Variants in BCKDHB observed in about 807,000 individuals in gnomAD.
BCKDHB encodes 2-oxoisovalerate dehydrogenase subunit beta, mitochondrial.
BCKDHB carries 41 observed loss-of-function variants against 48.5 expected under a neutral mutation model. The ratio of observed to expected loss-of-function variants is 0.85; its 90% CI spans 0.66 to 1.10. The LOEUF (loss-of-function observed/expected upper bound fraction) is 1.10, where lower values mean the gene tolerates loss of function less well. Ranked by LOEUF, BCKDHB falls within the 50% of genes least tolerant of loss-of-function variation. The pLI is 0.00. For synonymous variants in BCKDHB, 201 were observed against 174.8 expected (o/e 1.15, Z -1.18); for missense variants, 496 against 494.2 (o/e 1.00, Z -0.03).
At chr6:80,258,279 C>T (rs1373171397) in intron 8 of BCKDHB, among the ~76,000 whole-genome samples, 1 of 152,174 alleles carries the variant, frequency 6.6e-6, no homozygotes, top group Admixed American at 6.5e-5. Flanking sequence ...TGTTCCTCAT[C>T]AGCTTTTCAT....
At chr6:80,203,402 A>T (rs1244512626) in intron 8 of BCKDHB, among the ~76,000 whole-genome samples, 190 bp downstream of exon 8, 1 of 152,098 alleles carries the variant, frequency 6.6e-6, no homozygotes, top group Non-Finnish European at 1.5e-5. Context: ...ATCACTATAG[A>T]ATTTATTTTT....
chr6:80,421,413 A>T, the BCKDHB span, among the ~76,000 whole-genome samples: 1 of 152,168 alleles, frequency 6.6e-6, no homozygotes, highest in African/African-American at 2.4e-5. Context: ...TAGCACTGGG[A>T]GTGGGGCACT....
At chr6:80,367,220 G>T in the BCKDHB span, among the ~76,000 whole-genome samples, 32 of 151,970 alleles carry the variant, frequency 2.1e-4, no homozygotes, top group East Asian at 3.9e-4. Context: ...CTCTCGATTT[G>T]TCATGGAATT....
intron 1 of BCKDHB, among the ~76,000 whole-genome samples, chr6:80,116,366 C>T (rs1441709694): frequency 6.6e-6 from 1 of 152,128 alleles, no homozygotes; most frequent in African/African-American, 2.4e-5. Flanking sequence ...TTTTAGTTTC[C>T]TTAAACGTTT....
chr6:80,448,461 A>T, the BCKDHB span, among the ~76,000 whole-genome samples: 1 of 152,172 alleles, frequency 6.6e-6, no homozygotes, highest in Admixed American at 6.6e-5. Flanking sequence ...TCAGTACATC[A>T]GGAGAGAGCT....
chr6:80,132,154 G>A (rs73479932), intron 3 of BCKDHB, among the ~76,000 whole-genome samples: 1 of 151,604 alleles, frequency 6.6e-6, no homozygotes, highest in Non-Finnish European at 1.5e-5. Flanking sequence ...TGCTATCTGG[G>A]TCTCTCTACC....
chr6:80,312,148 T>C (rs1176136002), intron 9 of BCKDHB, among the ~76,000 whole-genome samples: 2 of 152,212 alleles, frequency 1.3e-5, no homozygotes, highest in East Asian at 1.9e-4. Context: ...ACTTCCCTTA[T>C]TAGCTGTATT....
the BCKDHB span, among the ~76,000 whole-genome samples, chr6:80,417,646 T>A: frequency 1.3e-5 from 2 of 152,246 alleles, no homozygotes; most frequent in African/African-American, 2.4e-5. Context: ...TCTTTAAGAA[T>A]GTTGAATATT....
chr6:80,380,488 A>G, the BCKDHB span, among the ~76,000 whole-genome samples: 3 of 152,184 alleles, frequency 2.0e-5, no homozygotes, highest in South Asian at 6.2e-4. Context: ...AAATTCTAGA[A>G]GAAAATCTAG....
At chr6:80,383,369 A>G in the BCKDHB span, among the ~76,000 whole-genome samples, 2 of 152,034 alleles carry the variant, frequency 1.3e-5, no homozygotes, top group Admixed American at 1.3e-4. Flanking sequence ...ATTTTTAAAA[A>G]CATTTTTCTA....
chr6:80,206,542 T>C (rs1774669786), intron 8 of BCKDHB, among the ~76,000 whole-genome samples: 1 of 87,164 alleles, frequency 1.1e-5, no homozygotes. Context: ...CTAGAAAGTT[T>C]GTGTGTGTGT....
At chr6:80,397,037 T>G in the BCKDHB span, among the ~76,000 whole-genome samples, 1 of 152,202 alleles carries the variant, frequency 6.6e-6, no homozygotes, top group Non-Finnish European at 1.5e-5. Flanking sequence ...ACTTCAGAAC[T>G]GCACCCCCCG....
chr6:80,433,903 T>A, the BCKDHB span, among the ~76,000 whole-genome samples: 7 of 152,172 alleles, frequency 4.6e-5, no homozygotes, highest in African/African-American at 1.4e-4. Context: ...ATTTGGAAAT[T>A]TTTTTGGCCA....
At chr6:80,156,565 T>A (rs772248386) in intron 3 of BCKDHB, among the ~76,000 whole-genome samples, 1 of 152,164 alleles carries the variant, frequency 6.6e-6, no homozygotes, top group Non-Finnish European at 1.5e-5. Flanking sequence ...GGCACACATA[T>A]AATGCAGAAT....
chr6:80,319,138 C>G (rs149042851), intron 9 of BCKDHB, among the ~76,000 whole-genome samples: 1 of 152,278 alleles, frequency 6.6e-6, no homozygotes, highest in African/African-American at 2.4e-5. Flanking sequence ...TCCTTTCACT[C>G]AGGCCTTATG....
rs376144368 is a variant in BCKDHB at position 80,199,614 on chromosome 6, TAAAATTACAAA to T, written c.743-1317_743-1307del. 9.3e-3 allele frequency among the ~76,000 whole-genome samples: 1,405 copies of T among 151,484 alleles called. 27 individuals carry two copies. The highest frequency in any genetic ancestry group is 0.032 in the African/African-American group (1,338 of 41,262). ...CAACATGTTGAAACCCTGTTTCTATTAAAATTACAAAAATTAGCAGAGCGTGGTGGTGCGTG... is the reference window on the plus strand; with the variant it reads ...CAACATGTTGAAACCCTGTTTCTATTAATTAGCAGAGCGTGGTGGTGCGTG... On this transcript the variant is annotated intron_variant, in intron 6 of 9. Transcript: ENST00000320393.
At chr6:80,431,355 G>C in the BCKDHB span, among the ~76,000 whole-genome samples, 1 of 152,250 alleles carries the variant, frequency 6.6e-6, no homozygotes, top group Non-Finnish European at 1.5e-5. Flanking sequence ...CCAGAGCTGA[G>C]TCCAAGTCCT....
At chr6:80,351,940 G>T in the BCKDHB span, among the ~76,000 whole-genome samples, 1 of 150,718 alleles carries the variant, frequency 6.6e-6, no homozygotes, top group East Asian at 2.0e-4. Context: ...TCCTGCCTCC[G>T]CCTCCCAAGT....
At chr6:80,279,316 T>C (rs570636787) in intron 9 of BCKDHB, among the ~76,000 whole-genome samples, 8 of 151,868 alleles carry the variant, frequency 5.3e-5, no homozygotes, top group African/African-American at 1.9e-4. Context: ...GCCACGCCCA[T>C]CTAATTTTTT....
Sources: allele counts gnomAD v4.1 joint callset (sites outside exome capture counted in the v4.1 genomes callset), GRCh38; gene constraint gnomAD v4.1.1; transcripts MANE v1.5; gene names NCBI Gene and HGNC (gene_info 2026-07-23, HGNC 2026-07-21).